Variants in TNKS2 observed in about 807,000 individuals in gnomAD.
The protein encoded by TNKS2 is poly [ADP-ribose] polymerase tankyrase-2.
A neutral mutation model predicts 137.6 loss-of-function variants in TNKS2; 72 were observed. The observed-to-expected ratio is 0.52, with a 90% CI of 0.43 to 0.64. TNKS2 has a LOEUF of 0.64. Among genes scored for constraint, TNKS2 ranks in the 30% least tolerant of loss-of-function variants. The pLI, the probability that TNKS2 is intolerant of heterozygous loss-of-function variation, is 0.00. For synonymous variants in TNKS2, 516 were observed against 512.1 expected (o/e 1.01, Z -0.10); for missense variants, 1,049 against 1,410.2 (o/e 0.74, Z 4.10).
intron 23 of TNKS2, 93 bp from the exon 24 acceptor site, chr10:91,857,332 C>T (rs1298916161): frequency 2.8e-6 from 2 of 710,424 alleles, no homozygotes; most frequent in Non-Finnish European, 4.5e-6. Context: ...TTTTGCCTAC[C>T]TTCTAGCTAA....
chr10:91,840,265 A>G lies in TNKS2; in HGVS notation c.1528-296A>G, dbSNP rs1369010305. ...TGAGGCAGGAGAATTGCTTGAACCC[A>G]GGAAACAGAGGTTGCAGTGAACTGA... On this transcript the variant is annotated intron_variant, in intron 13 of 26. Transcript: ENST00000371627. Among the ~76,000 whole-genome samples, 4 of 152,114 alleles carry G rather than the reference A, an allele frequency of 2.6e-5. No individual in the cohort carries two copies. In the East Asian group the frequency reaches 7.7e-4, roughly 29 times the overall value.
chr10:91,845,152 A>G, intron 17 of TNKS2, 124 bp downstream of exon 17: 1 of 696,636 alleles, frequency 1.4e-6, no homozygotes, highest in Non-Finnish European at 2.5e-6. Context: ...AGAGCTAAAG[A>G]AGTTAAATAA....
chr10:91,836,790 A>G (rs769835855), intron 12 of TNKS2, 129 bp from the exon 13 acceptor site: 40 of 1,416,574 alleles, frequency 2.8e-5, no homozygotes, highest in Non-Finnish European at 3.3e-5. Flanking sequence ...CCTTACTACC[A>G]TGGAGATCTC....
At chr10:91,829,116 A>C (rs2133630492) in intron 9 of TNKS2, among the ~76,000 whole-genome samples, 1 of 152,332 alleles carries the variant, frequency 6.6e-6, no homozygotes, top group South Asian at 2.1e-4. Flanking sequence ...AAGATAAGTA[A>C]GTTAATGTGT....
intron 17 of TNKS2, 129 bp from the exon 18 acceptor site, chr10:91,845,618 GGAGAA>G (rs1339210522): frequency 1.6e-6 from 1 of 619,768 alleles, no homozygotes; most frequent in Non-Finnish European, 2.5e-6. Flanking sequence ...GTGATGTTGG[GGAGAA>G]AGAGTTTTTC....
intron 3 of TNKS2, among the ~76,000 whole-genome samples, chr10:91,818,001 A>G (rs189119537): frequency 2.8e-4 from 43 of 152,320 alleles, no homozygotes; most frequent in African/African-American, 1.0e-3. Context: ...GGATTTTGTG[A>G]TATTTCTTCT....
chr10:91,823,128 T>G (rs961189548), intron 7 of TNKS2, among the ~76,000 whole-genome samples: 2 of 151,994 alleles, frequency 1.3e-5, no homozygotes, highest in African/African-American at 4.8e-5. Context: ...TTCAAAACTC[T>G]AAGAAGCAGT....
chr10:91,837,422 G>T (rs1032734092), intron 13 of TNKS2, among the ~76,000 whole-genome samples: 1 of 152,170 alleles, frequency 6.6e-6, no homozygotes, highest in African/African-American at 2.4e-5. Flanking sequence ...TACCTCTAGG[G>T]ATCCAGGGCT....
chr10:91,836,738 G>A, intron 12 of TNKS2, 181 bp from the exon 13 acceptor site: 1 of 985,356 alleles, frequency 1.0e-6, no homozygotes, highest in Non-Finnish European at 1.2e-6. Context: ...ATTTCAAAGA[G>A]TTTTAAGAGA....
chr10:91,812,109 A>G (rs1032259335), intron 1 of TNKS2, among the ~76,000 whole-genome samples: 4 of 152,002 alleles, frequency 2.6e-5, no homozygotes, highest in African/African-American at 7.2e-5. Flanking sequence ...AAGAGTGAGC[A>G]GTTCCTTTCT....
intron 1 of TNKS2, among the ~76,000 whole-genome samples, chr10:91,811,589 A>G (rs1472847532): frequency 8.5e-5 from 13 of 152,188 alleles, no homozygotes; most frequent in Admixed American, 8.5e-4. Context: ...CACAGAGCCC[A>G]GCAATGTTAA....
At chr10:91,814,269 A>T (rs947997388) in intron 2 of TNKS2, among the ~76,000 whole-genome samples, 28 of 152,248 alleles carry the variant, frequency 1.8e-4, no homozygotes, top group Admixed American at 7.8e-4. Context: ...GTAAAAAAAA[A>T]TTTTTTTGAA....
At chr10:91,842,976 T>C (rs931525371) in intron 16 of TNKS2, among the ~76,000 whole-genome samples, 3 of 152,134 alleles carry the variant, frequency 2.0e-5, no homozygotes, top group Middle Eastern at 6.3e-3. Flanking sequence ...CAGGTAATCA[T>C]TTTATTGGTA....
At position 91,851,449 on chromosome 10, in the gene TNKS2, A is replaced by G. The variant is rs1842535922; in HGVS notation, c.2815+113A>G. On this transcript the variant is annotated intron_variant, in intron 21 of 26. Coordinates refer to ENST00000371627, the MANE Select transcript of TNKS2 (RefSeq NM_025235.4). ...AGAGAATCTGTTTAATAGGAAGAAT[A>G]CTAATTTAGGATTCAGGAAACTGGG... The G allele has an allele frequency of 2.4e-6, 3 of 1,229,268 alleles. No homozygotes were observed. In the South Asian group the frequency reaches 4.2e-5, roughly 17 times the overall value. The allele number at this position is 1,229,268 out of a possible 1,614,324, so 76.1% of individuals were successfully genotyped here.
intron 19 of TNKS2, among the ~76,000 whole-genome samples, chr10:91,849,034 A>G (rs528181479): frequency 6.6e-6 from 1 of 152,242 alleles, no homozygotes; most frequent in East Asian, 1.9e-4. Context: ...ATGGGATTTC[A>G]CCATTTTGGC....
intron 1 of TNKS2, among the ~76,000 whole-genome samples, chr10:91,802,015 T>C (rs988811076): frequency 1.3e-5 from 2 of 152,314 alleles, no homozygotes; most frequent in Non-Finnish European, 1.5e-5. Context: ...GAAAGAAATA[T>C]GTGGCATTCC....
chr10:91,856,784 C>T (rs1842718379), intron 23 of TNKS2, among the ~76,000 whole-genome samples: 1 of 152,000 alleles, frequency 6.6e-6, no homozygotes, highest in Non-Finnish European at 1.5e-5. Flanking sequence ...TTATTTGAGC[C>T]AAGACTAAAA....
chr10:91,810,400 A>AC (rs940852686), intron 1 of TNKS2, among the ~76,000 whole-genome samples: 18 of 150,624 alleles, frequency 1.2e-4, no homozygotes, highest in East Asian at 5.9e-4. Context: ...AACAACAACA[A>AC]AAAAAACCCT....
At chr10:91,852,420 C>T (rs921179911) in intron 21 of TNKS2, among the ~76,000 whole-genome samples, 2 of 151,022 alleles carry the variant, frequency 1.3e-5, no homozygotes, top group Non-Finnish European at 3.0e-5. Context: ...ATTAGCCAGG[C>T]GTGGTGGCGG....
Sources: gnomAD v4.1 joint callset for allele counts (sites outside exome capture counted in the v4.1 genomes callset) on GRCh38, gnomAD v4.1.1 for gene constraint, MANE v1.5 for transcripts, NCBI Gene and HGNC (gene_info 2026-07-23, HGNC 2026-07-21) for gene names.